Variants in CELF4 observed in about 807,000 individuals in gnomAD.
The protein encoded by CELF4 is CUG-BP- and ETR-3-like factor 4.
In CELF4, 18 loss-of-function variants were observed where a neutral mutation model predicts 59.9. That is an observed-to-expected ratio of 0.30 (90% confidence interval 0.21 to 0.45). CELF4 has a LOEUF of 0.45. Among genes scored for constraint, CELF4 ranks in the 20% least tolerant of loss-of-function variants. The pLI, the probability that CELF4 is intolerant of heterozygous loss-of-function variation, is 1.00. For missense variants in CELF4, 456 were observed against 689.0 expected (o/e 0.66, Z 3.79); for synonymous variants, 261 against 267.1 (o/e 0.98, Z 0.22).
intron 2 of CELF4, among the ~76,000 whole-genome samples, chr18:37,457,124 G>A (rs925515540): frequency 6.6e-6 from 1 of 152,126 alleles, no homozygotes; most frequent in African/African-American, 2.4e-5. Context: ...CAGAAGCCGG[G>A]GTGCCTCCTA....
At chr18:37,258,893 C>A (rs2154296892) in intron 11 of CELF4, among the ~76,000 whole-genome samples, 1 of 152,064 alleles carries the variant, frequency 6.6e-6, no homozygotes, top group East Asian at 1.9e-4. Flanking sequence ...AAACCCATTT[C>A]TTGGACCGGG....
At chr18:37,491,988 G>A (rs1425298639) in intron 1 of CELF4, among the ~76,000 whole-genome samples, 1 of 152,190 alleles carries the variant, frequency 6.6e-6, no homozygotes, top group East Asian at 1.9e-4. Flanking sequence ...GCCGAAGCCT[G>A]GGGTGTAATC....
chr18:37,304,577 T>TCAGCTC (rs2154471509), intron 3 of CELF4, among the ~76,000 whole-genome samples: 1 of 150,886 alleles, frequency 6.6e-6, no homozygotes, highest in Non-Finnish European at 1.5e-5. Flanking sequence ...GAAATGAGCT[T>TCAGCTC]CAGCTTCTTT....
intron 2 of CELF4, among the ~76,000 whole-genome samples, chr18:37,480,728 G>A (rs7229872): frequency 3.3e-5 from 5 of 151,768 alleles, no homozygotes; most frequent in African/African-American, 4.8e-5. Context: ...AGTTGAAAGA[G>A]GGAGGGAGGA....
chr18:37,414,194 CTAT>C (rs2099502780), intron 2 of CELF4, among the ~76,000 whole-genome samples: 1 of 6,214 alleles, frequency 1.6e-4, no homozygotes, highest in Non-Finnish European at 4.7e-4. Context: ...ATTCATTCAT[CTAT>C]CTATCTATCT....
chr18:37,324,774 TAC>T (rs1209239799), intron 2 of CELF4, among the ~76,000 whole-genome samples: 2 of 152,342 alleles, frequency 1.3e-5, no homozygotes, highest in East Asian at 3.9e-4. Flanking sequence ...ACAGCTGCTA[TAC>T]TGATCGCATT....
intron 1 of CELF4, among the ~76,000 whole-genome samples, chr18:37,543,579 A>G (rs778493842): frequency 5.3e-5 from 8 of 152,254 alleles, no homozygotes; most frequent in Middle Eastern, 3.4e-3. Context: ...AGTGTGGGTG[A>G]GCAAGAACGC....
At chr18:37,366,863 C>A (rs1055516293) in intron 2 of CELF4, among the ~76,000 whole-genome samples, 3 of 152,150 alleles carry the variant, frequency 2.0e-5, no homozygotes, top group African/African-American at 7.2e-5. Flanking sequence ...CCCATCCCAC[C>A]CTCTTCACTT....
intron 1 of CELF4, among the ~76,000 whole-genome samples, chr18:37,509,540 A>T (rs2099941911): frequency 6.6e-6 from 1 of 152,224 alleles, no homozygotes; most frequent in Admixed American, 6.5e-5. Flanking sequence ...CACAGCAGAC[A>T]CTCAATGAGT....
intron 1 of CELF4, among the ~76,000 whole-genome samples, chr18:37,561,886 A>T (rs1278900178): frequency 6.6e-6 from 1 of 152,184 alleles, no homozygotes; most frequent in African/African-American, 2.4e-5. Context: ...CTGGAAAAAC[A>T]ATCTTTCCCA....
At chr18:37,351,026 C>T (rs557202383) in intron 2 of CELF4, among the ~76,000 whole-genome samples, 3 of 152,338 alleles carry the variant, frequency 2.0e-5, no homozygotes, top group African/African-American at 4.8e-5. Flanking sequence ...CCACCTCCCC[C>T]CTTCTTTCAG....
At chr18:37,259,049 C>G in intron 11 of CELF4, 132 bp downstream of exon 11, 1 of 1,436,080 alleles carries the variant, frequency 7.0e-7, no homozygotes, top group South Asian at 1.3e-5. Context: ...TAAAAGCAGT[C>G]GGACACCGGT....
chr18:37,439,060 G>C (rs567721087), intron 2 of CELF4, among the ~76,000 whole-genome samples: 1 of 152,280 alleles, frequency 6.6e-6, no homozygotes, highest in South Asian at 2.1e-4. Flanking sequence ...CAGTCCTGAT[G>C]CTGGAACTGC....
intron 1 of CELF4, among the ~76,000 whole-genome samples, chr18:37,558,853 C>T (rs1031099977): frequency 6.6e-6 from 1 of 151,006 alleles, no homozygotes; most frequent in African/African-American, 2.4e-5. Context: ...AAAGGAAAGT[C>T]GCCTGGAATA....
intron 3 of CELF4, among the ~76,000 whole-genome samples, chr18:37,318,639 C>A (rs551185827): frequency 3.4e-5 from 5 of 145,268 alleles, no homozygotes; most frequent in Admixed American, 1.3e-4. Flanking sequence ...CTCCCCCCCC[C>A]CCCACTTTCT....
At chr18:37,482,810 A>G (rs2099871792) in intron 2 of CELF4, among the ~76,000 whole-genome samples, 1 of 152,154 alleles carries the variant, frequency 6.6e-6, no homozygotes, top group Non-Finnish European at 1.5e-5. Flanking sequence ...TCCATAACTC[A>G]CTAGAAACAG....
chr18:37,270,294 T>G (rs1276675278), intron 8 of CELF4, among the ~76,000 whole-genome samples: 1 of 152,264 alleles, frequency 6.6e-6, no homozygotes, highest in Non-Finnish European at 1.5e-5. Context: ...CGCTTTTGTG[T>G]GCACCAAGGG....
intron 1 of CELF4, among the ~76,000 whole-genome samples, chr18:37,514,627 G>A (rs929871390): frequency 5.9e-5 from 9 of 152,082 alleles, no homozygotes; most frequent in East Asian, 5.8e-4. Context: ...AGGCCTGGGC[G>A]GTAAACAAAC....
At chr18:37,260,832 A>G (rs1012687899) in intron 10 of CELF4, among the ~76,000 whole-genome samples, 32 of 150,596 alleles carry the variant, frequency 2.1e-4, no homozygotes, top group Non-Finnish European at 3.5e-4. Context: ...CCCTCTGCCC[A>G]CCCCAGCCCT....
Sources: allele counts gnomAD v4.1 joint callset (sites outside exome capture counted in the v4.1 genomes callset), GRCh38; gene constraint gnomAD v4.1.1; transcripts MANE v1.5; gene names NCBI Gene and HGNC (gene_info 2026-07-23, HGNC 2026-07-21).